The following ARHGAP1 variants were observed in gnomAD, a reference collection of about 807,000 sequenced individuals.
The protein encoded by ARHGAP1 is Rho GTPase activating protein 1.
Under a neutral mutation model 52.2 loss-of-function variants are expected in ARHGAP1, and 23 were observed. That is an observed-to-expected ratio of 0.44 (90% CI 0.32 to 0.62). ARHGAP1 has a LOEUF of 0.62. Ranked by LOEUF, ARHGAP1 falls within the 20% of genes least tolerant of loss-of-function variation. ARHGAP1 has a pLI of 0.05. For synonymous variants in ARHGAP1, 210 were observed against 228.4 expected, an observed-to-expected ratio of 0.92 and a Z score of 0.73; for missense variants, 480 against 560.9, an observed-to-expected ratio of 0.86 and a Z score of 1.46.
chr11:46,683,455 C>T (rs1309282886), intron 4 of ARHGAP1, among the ~76,000 whole-genome samples: 4 of 152,140 alleles, frequency 2.6e-5, no homozygotes, highest in Non-Finnish European at 4.4e-5. Flanking sequence ...AGAGAGTCAC[C>T]TGCTCCAGTC....
chr11:46,687,676 A>C (rs1444640466), intron 4 of ARHGAP1: 1 of 153,060 alleles, frequency 6.5e-6, no homozygotes, highest in Non-Finnish European at 1.5e-5. Flanking sequence ...ATGAATCAGG[A>C]CATGTCTGGA....
intron 3 of ARHGAP1, among the ~76,000 whole-genome samples, chr11:46,691,322 T>C (rs895657877): frequency 2.0e-5 from 3 of 152,142 alleles, no homozygotes; most frequent in African/African-American, 7.2e-5. Context: ...GGAGTCTCTA[T>C]CATCCAGGCT....
Position 46,679,048 on chromosome 11 carries a change from T to C in ARHGAP1, c.1309A>G (p.Ser437Gly), listed in dbSNP as rs1565684185. 1.9e-6 allele frequency: 3 copies of C among 1,614,100 alleles called. No homozygotes were observed. The highest frequency in any genetic ancestry group is 2.5e-6 in the Non-Finnish European group (3 of 1,180,008). ...QGELFPSPDP[S>G]GL is the part of the protein sequence containing the mutation. ...GGCAGGGGCCAGGTTCAGAGCCCGC[T>C]GGGGTCCGGGCTTGGGAACAGCTCC... Residue 437 changes from serine to glycine, a missense_variant, in exon 13 of 13, where the codon AGC (serine) becomes GGC (glycine). Coordinates refer to ENST00000311956, the MANE Select transcript of ARHGAP1 (RefSeq NM_004308.5). This position sits in a 1 kb window ranked among gnomAD's most constrained non-coding sequence, Gnocchi z 4.4.
chr11:46,696,080 C>T lies in ARHGAP1; in HGVS notation c.28G>A (p.Asp10Asn). The T allele has an allele frequency of 6.2e-7, 1 of 1,609,432 alleles. No individual in the cohort carries two copies. The highest frequency in any genetic ancestry group is 8.5e-7 in the Non-Finnish European group (1 of 1,177,976). Reference protein sequence around the residue: MDPLSELQDDLTLDDTSEAL... With the variant: MDPLSELQDNLTLDDTSEAL... ...TCGCTGGTGTCATCCAAGGTCAGAT[C>T]ATCCTGCAGCTCTGAGAGCGGATCC... is the stretch of plus-strand genomic sequence containing the variant. The change falls in exon 2 of 13, where the codon GAT becomes AAT. Residue 10 changes from aspartate to asparagine, a missense_variant. Physicochemically the swap from Asp to Asn is conservative, Grantham distance 23 (BLOSUM62 1). Coordinates refer to ENST00000311956, the MANE Select transcript of ARHGAP1 (RefSeq NM_004308.5). The surrounding 1 kb of genome is among the most constrained non-coding windows in gnomAD (Gnocchi z 4.8).
Position 46,682,101 on chromosome 11 carries a change from G to A in ARHGAP1, c.399C>T (p.Asn133=). The change falls in exon 5 of 13, where the codon AAC becomes AAT. Residue 133 remains asparagine, a synonymous_variant. Transcript: ENST00000311956. The part of the protein sequence containing the change: ...LYLHHGLTSD[N]KPSLSWLRDA... ...CACGGAGCCAGCTGAGGGAGGGCTTGTTGTCGCTGGTCAGGCCGTGGTGCA... is the reference window on the plus strand; with the variant it reads ...CACGGAGCCAGCTGAGGGAGGGCTTATTGTCGCTGGTCAGGCCGTGGTGCA... The A allele has an allele frequency of 6.2e-7, 1 of 1,614,226 alleles. No individual in the cohort carries two copies.
chr11:46,697,853 G>GCCTTCAACCCTTCAAC (rs917031413), intron 1 of ARHGAP1, among the ~76,000 whole-genome samples: 2 of 152,060 alleles, frequency 1.3e-5, no homozygotes, highest in African/African-American at 4.8e-5. Flanking sequence ...CTCCCCTTCA[G>GCCTTCAACCCTTCAAC]CCTTCAACCC....
In ARHGAP1 at chr11:46,680,940, G is replaced by A. The variant is rs562717749; in HGVS notation, c.635+71C>T. ...GGCTTGCTCTGCCTAAGCCCCACGC[G>A]GTCTCTGAATCAGGACACACGTCCT... On this transcript the variant is annotated intron_variant, in intron 7 of 12. Coordinates refer to ENST00000311956, the MANE Select transcript of ARHGAP1 (RefSeq NM_004308.5). The surrounding 1 kb of genome is among the most constrained non-coding windows in gnomAD (Gnocchi z 5.9). The A allele has an allele frequency of 1.2e-4, 162 of 1,408,536 alleles. 7 individuals are homozygous for A. Among genetic ancestry groups the A allele is most frequent in the South Asian group, 6.8e-4 (59 of 86,426 alleles). The allele number at this position is 1,408,536 out of a possible 1,614,324, so 87.3% of individuals were successfully genotyped here.
chr11:46,680,624 C>A lies in ARHGAP1; in HGVS notation c.743+16G>T, dbSNP rs1289886839. ...CCTTCCCGCCCCGCCGTGGCCCAGC[C>A]ACCTTTCATACTTACTGCTGCAGCG... On this transcript the variant is annotated intron_variant, in intron 8 of 12. Transcript: ENST00000311956. The surrounding 1 kb of genome is among the most constrained non-coding windows in gnomAD (Gnocchi z 5.9). 1 of 1,613,644 alleles carries A rather than the reference C, an allele frequency of 6.2e-7. No homozygotes were observed. Among genetic ancestry groups the A allele is most frequent in the Non-Finnish European group, 8.5e-7 (1 of 1,179,638 alleles).
At chr11:46,690,569 C>A (rs948475627) in intron 3 of ARHGAP1, among the ~76,000 whole-genome samples, 2 of 152,106 alleles carry the variant, frequency 1.3e-5, no homozygotes, top group African/African-American at 4.8e-5. Context: ...TTCTGATTGA[C>A]TTCTGTAGGT....
In ARHGAP1 at chr11:46,679,383, C is replaced by A; in HGVS notation, c.1113G>T (p.Leu371=). The A allele has an allele frequency of 6.2e-7, 1 of 1,614,134 alleles. No individual in the cohort carries two copies. The highest frequency in any genetic ancestry group is 1.1e-5 in the South Asian group (1 of 91,054). ...GTCTCACCTGCACCAGGAAAGCAGT[C>A]AGGAAACGAAGCACCTGGTAGTTCT... The part of the protein sequence containing the change: ...PEENYQVLRF[L]TAFLVQISAH... The change falls in exon 12 of 13, where the codon CTG becomes CTT. Residue 371 remains leucine (L), a synonymous_variant. Transcript: ENST00000311956. This position sits in a 1 kb window ranked among gnomAD's most constrained non-coding sequence, Gnocchi z 4.4.
At chr11:46,695,949 C>T (rs370296866) in intron 2 of ARHGAP1, 26 bp downstream of exon 2, 16 of 1,614,010 alleles carry the variant, frequency 9.9e-6, no homozygotes, top group African/African-American at 8.0e-5. Context: ...GCGCCTGTAG[C>T]TGCCTGAGAC....
intron 1 of ARHGAP1, among the ~76,000 whole-genome samples, chr11:46,698,079 C>T (rs2064670715): frequency 6.6e-6 from 1 of 152,164 alleles, no homozygotes; most frequent in African/African-American, 2.4e-5. Flanking sequence ...TACAGCTATC[C>T]CAGAGACATC....
At chr11:46,691,530 C>A (rs1224732762) in intron 3 of ARHGAP1, among the ~76,000 whole-genome samples, 7 of 150,610 alleles carry the variant, frequency 4.6e-5, no homozygotes, top group Non-Finnish European at 8.8e-5. Context: ...CGGCTCACTG[C>A]AACCTTTGCG....
Position 46,681,222 on chromosome 11 carries a change from AG to A in ARHGAP1, c.536+70del. On this transcript the variant is annotated intron_variant, in intron 6 of 12. Coordinates refer to ENST00000311956, the MANE Select transcript of ARHGAP1 (RefSeq NM_004308.5). The surrounding 1 kb of genome is among the most constrained non-coding windows in gnomAD (Gnocchi z 5.7). ...AGCCCAGCCGCACCTGGTGGTCCCCAGGCTGCCCAGCCTCCCAGCTTCAGAG... is the reference window on the plus strand; with the variant it reads ...AGCCCAGCCGCACCTGGTGGTCCCCAGCTGCCCAGCCTCCCAGCTTCAGAG... 6.4e-7 allele frequency: 1 copy of A among 1,552,754 alleles called. No homozygotes were observed.
At position 46,695,840 on chromosome 11, in the gene ARHGAP1, C is replaced by T. The variant is rs552527497; in HGVS notation, c.134-85G>A. The T allele has an allele frequency of 1.6e-5, 26 of 1,578,378 alleles. No homozygotes were observed. The African/African-American group carries it at 2.7e-4, about 16-fold the overall frequency. ...CAGGCATGCTGTCTGGCCCTTCCCC[C>T]AGTAAGGCCCATGCTCCCAGCCCAA... On this transcript the variant is annotated intron_variant, in intron 2 of 12. Transcript: ENST00000311956.
chr11:46,685,017 G>T (rs187323939), intron 4 of ARHGAP1, among the ~76,000 whole-genome samples: 589 of 151,368 alleles, frequency 3.9e-3, no homozygotes, highest in African/African-American at 0.014. Context: ...GAACTCAGGA[G>T]GTGGAGGTTG....
At chr11:46,686,888 T>C (rs1246977747) in intron 4 of ARHGAP1, 1 of 152,194 alleles carries the variant, frequency 6.6e-6, no homozygotes, top group Non-Finnish European at 1.5e-5. Flanking sequence ...AAGTGCTCCA[T>C]GATGGAAGCA....
In ARHGAP1 at chr11:46,696,058, C is replaced by A; in HGVS notation, c.50G>T (p.Ser17Ile). The change falls in exon 2 of 13, where the codon AGC becomes ATC. Residue 17 changes from serine to isoleucine, a missense_variant. Ser to Ile is a moderately radical substitution (Grantham distance 142, BLOSUM62 -2). Transcript: ENST00000311956. This position sits in a 1 kb window ranked among gnomAD's most constrained non-coding sequence, Gnocchi z 4.8. ...LQDDLTLDDT[S>I]EALNQLKLAS... is the part of the protein sequence containing the mutation. ...CAGCTTCAGCTGGTTCAGAGCCTCG[C>A]TGGTGTCATCCAAGGTCAGATCATC... The A allele has an allele frequency of 5.0e-6, 8 of 1,613,252 alleles. No homozygotes were observed. The highest frequency in any genetic ancestry group is 6.8e-6 in the Non-Finnish European group (8 of 1,179,668).
chr11:46,691,250 A>G (rs2064612827), intron 3 of ARHGAP1, among the ~76,000 whole-genome samples: 1 of 152,060 alleles, frequency 6.6e-6, no homozygotes. Context: ...GGTCACCATT[A>G]AACTATGGGA....
Sources: gnomAD v4.1 joint callset for allele counts (sites outside exome capture counted in the v4.1 genomes callset) on GRCh38, gnomAD v4.1.1 for gene constraint, Gnocchi (gnomAD v3.1) non-coding constraint, MANE v1.5 for transcripts, NCBI Gene and HGNC (gene_info 2026-07-23, HGNC 2026-07-21) for gene names.